Variants in ADARB1 observed in about 807,000 individuals in gnomAD.
The protein encoded by ADARB1 is adenosine deaminase RNA specific B1.
In ADARB1, 10 loss-of-function variants were observed where a neutral mutation model predicts 52.4. That is an observed-to-expected ratio of 0.19 (90% CI 0.12 to 0.32). The LOEUF is 0.32. Ranked by LOEUF, ADARB1 falls within the 10% of genes least tolerant of loss-of-function variation. The probability of loss-of-function intolerance (pLI) is 1.00; values close to 1 mark genes in which losing one functional copy is unlikely to be tolerated. For missense variants in ADARB1, 643 were observed against 922.3 expected, an observed-to-expected ratio of 0.70 and a Z score of 3.92; for synonymous variants, 349 against 371.1, an observed-to-expected ratio of 0.94 and a Z score of 0.68.
rs562360958 is a variant in ADARB1, at chr21:45,105,967, CT to C, written c.-219-22432del. Among the ~76,000 whole-genome samples, 121 of 152,300 alleles carry C rather than the reference CT, an allele frequency of 7.9e-4. 1 individual carries two copies. The highest frequency in any genetic ancestry group is 2.9e-3 in the African/African-American group (119 of 41,550). On this transcript the variant is annotated intron_variant, in intron 1 of 10. Transcript: ENST00000348831. Reference sequence around the variant, plus strand: ...GGCTTTTTGCTAGTGATAGTGTTGTCTTTGTTCTGTAAAACAACTGTAAAGG... The same window carrying C: ...GGCTTTTTGCTAGTGATAGTGTTGTCTTGTTCTGTAAAACAACTGTAAAGG...
intron 8 of ADARB1, among the ~76,000 whole-genome samples, chr21:45,203,280 C>G (rs2092599892): frequency 6.6e-6 from 1 of 152,244 alleles, no homozygotes; most frequent in Non-Finnish European, 1.5e-5. Context: ...CTCCCTCAGC[C>G]TCACAGCCCC....
At chr21:45,116,729 C>T (rs2087845961) in intron 1 of ADARB1, among the ~76,000 whole-genome samples, 1 of 152,148 alleles carries the variant, frequency 6.6e-6, no homozygotes, top group Non-Finnish European at 1.5e-5. Flanking sequence ...CTTACAAAGC[C>T]GTCAGATCCC....
intron 1 of ADARB1, among the ~76,000 whole-genome samples, chr21:45,124,783 G>A (rs867365984): frequency 2.2e-4 from 24 of 110,596 alleles, no homozygotes; most frequent in Non-Finnish European, 2.7e-4. Context: ...GTGTGTGTGT[G>A]TGTATGTGTG....
chr21:45,118,034 C>T (rs1051945632), intron 1 of ADARB1, among the ~76,000 whole-genome samples: 10 of 152,220 alleles, frequency 6.6e-5, no homozygotes, highest in African/African-American at 2.4e-4. Context: ...TATCATTAGG[C>T]TCCCTGTGCT....
chr21:45,084,113 T>G (rs1364826902), intron 1 of ADARB1, among the ~76,000 whole-genome samples: 1 of 152,206 alleles, frequency 6.6e-6, no homozygotes, highest in East Asian at 1.9e-4. Flanking sequence ...GATGGTGCAT[T>G]CTCTTCATGC....
intron 2 of ADARB1, among the ~76,000 whole-genome samples, chr21:45,144,418 TG>T (rs750450618): frequency 1.3e-5 from 2 of 152,230 alleles, no homozygotes; most frequent in African/African-American, 2.4e-5. Context: ...GTTATTAACT[TG>T]CAAAGACATG....
Position 45,220,818 on chromosome 21 carries a change from CTG to C in ADARB1, c.1748-14_1748-13del, listed in dbSNP as rs1024158750. On this transcript the variant is annotated splice_polypyrimidine_tract_variant and intron_variant, in intron 9 of 10. Transcript: ENST00000348831. The surrounding 1 kb of genome is among the most constrained non-coding windows in gnomAD (Gnocchi z 6.3). ...TGAAAGCGGGCTTCACACCACCTTC[CTG>C]TGTCTTCCGTTTCAGGCATCAGCAA... The C allele has an allele frequency of 1.2e-6, 2 of 1,610,370 alleles. No individual in the cohort carries two copies. The highest frequency in any genetic ancestry group is 1.7e-6 in the Non-Finnish European group (2 of 1,177,804).
chr21:45,161,411 G>A (rs929757217), intron 2 of ADARB1, among the ~76,000 whole-genome samples: 4 of 152,240 alleles, frequency 2.6e-5, no homozygotes, highest in African/African-American at 9.6e-5. Flanking sequence ...TCCAGTTTCA[G>A]ATCAAAGTTG....
intron 1 of ADARB1, among the ~76,000 whole-genome samples, chr21:45,098,712 C>T (rs770583347): frequency 3.3e-5 from 5 of 152,154 alleles, no homozygotes; most frequent in Non-Finnish European, 7.4e-5. Context: ...TGGGGGATGG[C>T]GAGTGCTAGG....
intron 5 of ADARB1, 73 bp from the exon 6 acceptor site, chr21:45,182,512 A>G: frequency 1.3e-6 from 2 of 1,502,940 alleles, no homozygotes; most frequent in Non-Finnish European, 1.8e-6. Context: ...AATAAGAGTC[A>G]GACTTCAGGA....
Position 45,224,568 on chromosome 21 carries a change from G to T in ADARB1, c.*2371G>T. On this transcript the variant is annotated 3_prime_UTR_variant, in exon 11 of 11. Transcript: ENST00000348831. ...CGGCTGTTGGGGGGAACTGGGTTCG[G>T]GGTGCCCTGGGCAGGGGGCTACTGG... is the stretch of plus-strand genomic sequence containing the variant. 1 of 909,460 alleles carries T rather than the reference G, an allele frequency of 1.1e-6. No homozygotes were observed. The highest frequency in any genetic ancestry group is 1.3e-6 in the Non-Finnish European group (1 of 756,608). The allele number at this position is 909,460 out of a possible 1,614,324, so 56.3% of individuals were successfully genotyped here. A position where few individuals can be genotyped will look rare whatever the true frequency, so the allele number is the denominator to read the frequency against.
At chr21:45,106,884 T>C (rs2087283903) in intron 1 of ADARB1, among the ~76,000 whole-genome samples, 1 of 152,136 alleles carries the variant, frequency 6.6e-6, no homozygotes, top group African/African-American at 2.4e-5. Flanking sequence ...AGCACAGATG[T>C]GCAGTTTCAT....
At chr21:45,096,230 G>A (rs2086755000) in intron 1 of ADARB1, among the ~76,000 whole-genome samples, 1 of 152,260 alleles carries the variant, frequency 6.6e-6, no homozygotes, top group Admixed American at 6.5e-5. Context: ...GCTGGGCTAA[G>A]CAGCCCATTT....
chr21:45,121,043 G>A (rs887268706), intron 1 of ADARB1: 1 of 151,976 alleles, frequency 6.6e-6, no homozygotes, highest in African/African-American at 2.4e-5. Context: ...TATGATTTTT[G>A]TGTCTACATT....
chr21:45,218,975 C>A (rs1224742712), intron 9 of ADARB1, among the ~76,000 whole-genome samples: 4 of 152,170 alleles, frequency 2.6e-5, no homozygotes, highest in Non-Finnish European at 2.9e-5. Flanking sequence ...TATATAAATG[C>A]AGATACATGT....
In ADARB1 at chr21:45,208,714, GTGTA is replaced by G. The variant is rs777341542; in HGVS notation, c.1747+3981_1747+3984del. Among the ~76,000 whole-genome samples the G allele has an allele frequency of 6.6e-6, 1 of 152,064 alleles. No homozygotes were observed. The highest frequency in any genetic ancestry group is 1.5e-5 in the Non-Finnish European group (1 of 67,994). ...CATGTGTGTGTGCACGCTCACATGA[GTGTA>G]TGAGAGAGAGAGTGTGTGTGTGTGT... On this transcript the variant is annotated intron_variant, in intron 9 of 10. Coordinates refer to ENST00000348831, the MANE Select transcript of ADARB1 (RefSeq NM_001112.4). The surrounding 1 kb of genome is among the most constrained non-coding windows in gnomAD (Gnocchi z 5.6).
At chr21:45,164,676 G>A (rs1273817867) in intron 2 of ADARB1, among the ~76,000 whole-genome samples, 6 of 152,146 alleles carry the variant, frequency 3.9e-5, no homozygotes, top group African/African-American at 1.4e-4. Context: ...GGTGGGCATA[G>A]CGAAGGGCTG....
rs1338463627 is a variant in ADARB1 at position 45,223,432 on chromosome 21, C to G, written c.*1235C>G. 1.0e-6 allele frequency: 1 copy of G among 985,652 alleles called. No individual in the cohort carries two copies. Among genetic ancestry groups the G allele is most frequent in the Non-Finnish European group, 1.2e-6 (1 of 830,242 alleles). The allele number at this position is 985,652 out of a possible 1,614,324, so 61.1% of individuals were successfully genotyped here. A position where few individuals can be genotyped will look rare whatever the true frequency, so the allele number is the denominator to read the frequency against. On this transcript the variant is annotated 3_prime_UTR_variant, in exon 11 of 11. Transcript: ENST00000348831. ...CCCGGGAGGTCAGGAGCGCGGCGGG[C>G]GAGGGCCCTGTGTGGACCACCTCCA...
intron 2 of ADARB1, among the ~76,000 whole-genome samples, chr21:45,160,343 CTCTT>C (rs1303895634): frequency 6.6e-6 from 1 of 152,246 alleles, no homozygotes; most frequent in Non-Finnish European, 1.5e-5. Context: ...TTCGCATAGT[CTCTT>C]TCTGTTTGGT....
Sources: gnomAD v4.1 joint callset for allele counts (sites outside exome capture counted in the v4.1 genomes callset) on GRCh38, gnomAD v4.1.1 for gene constraint, Gnocchi (gnomAD v3.1) non-coding constraint, MANE v1.5 for transcripts, NCBI Gene and HGNC (gene_info 2026-07-23, HGNC 2026-07-21) for gene names.